The following MDFIC variants were observed in gnomAD, a reference collection of about 807,000 sequenced individuals.
MDFIC encodes myoD family inhibitor domain-containing protein.
A neutral mutation model predicts 23.2 loss-of-function variants in MDFIC; 17 were observed. The observed-to-expected ratio is 0.73, with a 90% CI of 0.50 to 1.10. The LOEUF (loss-of-function observed/expected upper bound fraction) is 1.10, where lower values mean the gene tolerates loss of function less well. MDFIC is among the 50% of genes least tolerant of loss of function. MDFIC has a pLI of 0.00. For synonymous variants in MDFIC, 120 were observed against 115.2 expected (o/e 1.04, Z -0.27); for missense variants, 356 against 316.6 (o/e 1.12, Z -0.95).
chr7:114,977,161 T>C (rs1793332290), intron 3 of MDFIC, among the ~76,000 whole-genome samples: 1 of 152,210 alleles, frequency 6.6e-6, no homozygotes, highest in Admixed American at 6.6e-5. Flanking sequence ...AAAGCTGTGA[T>C]ATATAGCTTT....
In MDFIC at chr7:114,979,518, G is replaced by C; in HGVS notation, c.230G>C (p.Arg77Pro). 2 of 1,610,644 alleles carry C rather than the reference G, an allele frequency of 1.2e-6. 1 individual carries two copies. Among genetic ancestry groups the C allele is most frequent in the South Asian group, 2.2e-5 (2 of 90,582 alleles). ...DGELIRTQPQRLPQLQTSAQV... is the reference protein window; with the variant it reads ...DGELIRTQPQPLPQLQTSAQV... ...GTTTTTAATTTAGCCCAACCTCAGCGCTTGCCTCAGCTTCAGACTTCAGCC... is the reference window on the plus strand; with the variant it reads ...GTTTTTAATTTAGCCCAACCTCAGCCCTTGCCTCAGCTTCAGACTTCAGCC... The change falls in exon 4 of 5, where the codon CGC becomes CCC. Residue 77 changes from arginine to proline, a missense_variant. Physicochemically the swap from Arg to Pro is moderately radical, Grantham distance 103. Coordinates refer to ENST00000393486, the MANE Select transcript of MDFIC (RefSeq NM_001166345.3).
intron 4 of MDFIC, among the ~76,000 whole-genome samples, chr7:115,015,177 A>G (rs1304208978): frequency 6.6e-6 from 1 of 152,230 alleles, no homozygotes; most frequent in African/African-American, 2.4e-5. Context: ...TGAAGTCTTA[A>G]TGGATTCTGG....
chr7:114,995,849 A>G (rs1791315371), intron 4 of MDFIC, among the ~76,000 whole-genome samples: 1 of 152,158 alleles, frequency 6.6e-6, no homozygotes, highest in South Asian at 2.1e-4. Flanking sequence ...CTGTGCTGGG[A>G]GAACCACTAC....
chr7:114,982,090 T>A (rs1793427213), intron 4 of MDFIC, among the ~76,000 whole-genome samples: 1 of 152,168 alleles, frequency 6.6e-6, no homozygotes, highest in Non-Finnish European at 1.5e-5. Flanking sequence ...ATTCTGTGAG[T>A]CTCTTTTTAC....
intron 3 of MDFIC, among the ~76,000 whole-genome samples, chr7:114,950,601 C>A (rs1792747582): frequency 6.6e-6 from 1 of 151,974 alleles, no homozygotes; most frequent in Admixed American, 6.6e-5. Flanking sequence ...AGAGAAGATG[C>A]AGTATGAGAA....
chr7:114,975,649 G>C lies in MDFIC; in HGVS notation c.218-3857G>C, dbSNP rs569024983. On this transcript the variant is annotated intron_variant, in intron 3 of 4. Coordinates refer to ENST00000393486, the MANE Select transcript of MDFIC (RefSeq NM_001166345.3). Reference sequence around the variant, plus strand: ...CAAGTTGTTGTGGTTTAATCCGTCAGGTGTTTTTGTTCTTCATTTGAAAAT... The same window carrying C: ...CAAGTTGTTGTGGTTTAATCCGTCACGTGTTTTTGTTCTTCATTTGAAAAT... 7.2e-5 allele frequency among the ~76,000 whole-genome samples: 11 copies of C among 151,960 alleles called. No individual in the cohort carries two copies. The South Asian group carries it at 2.3e-3, about 32-fold the overall frequency.
chr7:114,982,145 A>G (rs920256646), intron 4 of MDFIC, among the ~76,000 whole-genome samples: 8 of 152,158 alleles, frequency 5.3e-5, no homozygotes, highest in African/African-American at 1.4e-4. Flanking sequence ...TCTATAGAAT[A>G]TGTGATCTCT....
At chr7:114,961,401 A>G (rs1195410789) in intron 3 of MDFIC, among the ~76,000 whole-genome samples, 1 of 152,166 alleles carries the variant, frequency 6.6e-6, no homozygotes, top group Non-Finnish European at 1.5e-5. Flanking sequence ...AGCTCCTGAC[A>G]CCAGGCTGAA....
At chr7:114,962,749 C>A (rs535405041) in intron 3 of MDFIC, among the ~76,000 whole-genome samples, 2 of 152,194 alleles carry the variant, frequency 1.3e-5, no homozygotes, top group East Asian at 3.9e-4. Flanking sequence ...CGAAATTAGA[C>A]AAAAATATGA....
intron 2 of MDFIC, among the ~76,000 whole-genome samples, chr7:114,938,145 G>C (rs554138303): frequency 6.6e-6 from 1 of 151,886 alleles, no homozygotes; most frequent in East Asian, 1.9e-4. Flanking sequence ...TACTAGAGAT[G>C]GGGTTTTACC....
At chr7:115,013,034 C>T (rs1224901097) in intron 4 of MDFIC, among the ~76,000 whole-genome samples, 1 of 152,058 alleles carries the variant, frequency 6.6e-6, no homozygotes, top group Admixed American at 6.6e-5. Flanking sequence ...TATGTTAATT[C>T]AATGGAATAC....
intron 4 of MDFIC, among the ~76,000 whole-genome samples, chr7:114,987,487 C>T (rs1346957830): frequency 2.0e-5 from 3 of 152,030 alleles, no homozygotes; most frequent in African/African-American, 7.2e-5. Context: ...ACTTAATTTG[C>T]TTGGATGATG....
rs1585126173 is a variant in MDFIC, at chr7:115,016,236, T to A, written c.*301T>A. On this transcript the variant is annotated 3_prime_UTR_variant, in exon 5 of 5. Coordinates refer to ENST00000393486, the MANE Select transcript of MDFIC (RefSeq NM_001166345.3). ...TCTCCTTTTTACCGATATTTCTGTTTCTTTTAACCGTTCTCAGGAGCACTT... is the reference window on the plus strand; with the variant it reads ...TCTCCTTTTTACCGATATTTCTGTTACTTTTAACCGTTCTCAGGAGCACTT... The A allele has an allele frequency of 3.1e-6, 1 of 320,694 alleles. No individual in the cohort carries two copies. Among genetic ancestry groups the A allele is most frequent in the Middle Eastern group, 1.0e-3 (1 of 974 alleles). The allele number at this position is 320,694 out of a possible 1,614,324, so 19.9% of individuals were successfully genotyped here. A position where few individuals can be genotyped will look rare whatever the true frequency, so the allele number is the denominator to read the frequency against.
At chr7:114,984,083 T>C (rs1284577312) in intron 4 of MDFIC, among the ~76,000 whole-genome samples, 2 of 152,106 alleles carry the variant, frequency 1.3e-5, no homozygotes, top group African/African-American at 2.4e-5. Context: ...GTTCCTAACC[T>C]CTGTGCTATT....
intron 3 of MDFIC, among the ~76,000 whole-genome samples, chr7:114,952,241 A>G (rs1483271921): frequency 1.3e-5 from 2 of 152,214 alleles, no homozygotes; most frequent in African/African-American, 4.8e-5. Context: ...CGCCATGGGC[A>G]AGCTCCGGAA....
intron 3 of MDFIC, among the ~76,000 whole-genome samples, chr7:114,961,564 A>G (rs941969989): frequency 2.6e-5 from 4 of 152,194 alleles, no homozygotes; most frequent in Admixed American, 6.5e-5. Flanking sequence ...AACCTGGGTA[A>G]TTTATAAAGA....
chr7:114,972,640 C>G (rs762659749), intron 3 of MDFIC, among the ~76,000 whole-genome samples: 2 of 151,338 alleles, frequency 1.3e-5, no homozygotes, highest in Non-Finnish European at 2.9e-5. Flanking sequence ...TTTTTTCTTT[C>G]TTTCTTGAGA....
rs1793384751 is a variant in MDFIC at position 114,979,698 on chromosome 7, C to T, written c.410C>T (p.Ser137Phe). The T allele has an allele frequency of 6.2e-7, 1 of 1,614,084 alleles. No homozygotes were observed. Among genetic ancestry groups the T allele is most frequent in the Non-Finnish European group, 8.5e-7 (1 of 1,179,990 alleles). Residue 137 changes from serine (S) to phenylalanine (F), a missense_variant, in exon 4 of 5, where the codon TCC (serine) becomes TTC (phenylalanine). By Grantham distance (155) the Ser-to-Phe change is radical. Transcript: ENST00000393486. The part of the protein sequence containing the change: ...VSQKMHRKIQ[S>F]SLSVNSDISK... ...CAAAAAATGCATAGAAAAATTCAGT[C>T]CAGCTTGTCTGTAAACAGCGATATC...
At chr7:114,982,442 C>A (rs1793434149) in intron 4 of MDFIC, among the ~76,000 whole-genome samples, 2 of 151,944 alleles carry the variant, frequency 1.3e-5, no homozygotes, top group South Asian at 2.1e-4. Flanking sequence ...ATAATCCCAG[C>A]AGTTTGAGAG....
Sources: gnomAD v4.1 joint callset for allele counts (sites outside exome capture counted in the v4.1 genomes callset) on GRCh38, gnomAD v4.1.1 for gene constraint, MANE v1.5 for transcripts, NCBI Gene and HGNC (gene_info 2026-07-23, HGNC 2026-07-21) for gene names.